The following TBC1D5 variants were observed in gnomAD, a reference collection of about 807,000 sequenced individuals.
TBC1D5 encodes TBC1 domain family member 5.
TBC1D5 carries 75 observed loss-of-function variants against 100.3 expected under a neutral mutation model. The ratio of observed to expected loss-of-function variants is 0.75; its 90% CI spans 0.62 to 0.91. TBC1D5 has a LOEUF of 0.91. Ranked by LOEUF, TBC1D5 falls within the 40% of genes least tolerant of loss-of-function variation. TBC1D5 has a pLI of 0.00. For synonymous variants in TBC1D5, 323 were observed against 325.6 expected (o/e 0.99, Z 0.09); for missense variants, 910 against 942.4 (o/e 0.97, Z 0.45).
intron 1 of TBC1D5, among the ~76,000 whole-genome samples, chr3:17,640,746 GC>G (rs1048898865): frequency 6.6e-6 from 1 of 151,838 alleles, no homozygotes; most frequent in Admixed American, 6.6e-5. Context: ...AAAATGCAAT[GC>G]CCTTTTGTCA....
intron 2 of TBC1D5, among the ~76,000 whole-genome samples, chr3:17,618,926 C>A (rs2062418160): frequency 6.6e-6 from 1 of 152,192 alleles, no homozygotes; most frequent in Non-Finnish European, 1.5e-5. Flanking sequence ...CAACCAGTCC[C>A]AGTGAGATGA....
intron 2 of TBC1D5, among the ~76,000 whole-genome samples, chr3:17,546,542 T>C (rs1016207226): frequency 6.6e-6 from 1 of 151,780 alleles, no homozygotes; most frequent in African/African-American, 2.4e-5. Context: ...GGCGGGTGGA[T>C]TGCCTGAGCT....
At chr3:17,296,232 CCTT>C (rs1387966011) in intron 14 of TBC1D5, among the ~76,000 whole-genome samples, 3 of 152,046 alleles carry the variant, frequency 2.0e-5, no homozygotes, top group Non-Finnish European at 4.4e-5. Flanking sequence ...AAAAAGAAAA[CCTT>C]CTTTCTTTTA....
At chr3:17,464,206 C>T (rs1006257388) in intron 3 of TBC1D5, among the ~76,000 whole-genome samples, 1 of 151,826 alleles carries the variant, frequency 6.6e-6, no homozygotes, top group African/African-American at 2.4e-5. Flanking sequence ...GTGATCTTCC[C>T]GTCTCGGCCT....
chr3:17,638,258 T>C (rs775109255), intron 1 of TBC1D5, among the ~76,000 whole-genome samples: 1 of 152,116 alleles, frequency 6.6e-6, no homozygotes, highest in Non-Finnish European at 1.5e-5. Context: ...ACAGTCAATT[T>C]TAGAACATTT....
chr3:17,285,248 C>CTTTTTTT (rs373843978), intron 15 of TBC1D5, among the ~76,000 whole-genome samples: 6 of 104,684 alleles, frequency 5.7e-5, no homozygotes, highest in Non-Finnish European at 9.3e-5. Context: ...ATTTTAGATT[C>CTTTTTTT]TTTTTTTTTT....
chr3:17,235,297 T>C (rs868512748), intron 17 of TBC1D5, among the ~76,000 whole-genome samples: 2 of 152,238 alleles, frequency 1.3e-5, no homozygotes, highest in East Asian at 1.9e-4. Flanking sequence ...CACAAGTAAT[T>C]GAAAGTTAAC....
chr3:17,737,466 A>C (rs1268074018), intron 1 of TBC1D5, among the ~76,000 whole-genome samples: 1 of 152,222 alleles, frequency 6.6e-6, no homozygotes, highest in African/African-American at 2.4e-5. Flanking sequence ...AATTCTCAAC[A>C]GTGCAGATAA....
At chr3:17,245,370 C>T (rs1419171579) in intron 16 of TBC1D5, among the ~76,000 whole-genome samples, 1 of 152,200 alleles carries the variant, frequency 6.6e-6, no homozygotes, top group African/African-American at 2.4e-5. Flanking sequence ...ACTCACTGCT[C>T]ATCTCAAGGA....
intron 18 of TBC1D5, among the ~76,000 whole-genome samples, chr3:17,193,809 T>C (rs894668865): frequency 6.6e-6 from 1 of 152,148 alleles, no homozygotes; most frequent in East Asian, 1.9e-4. Context: ...AGGATTAAAA[T>C]AGCTAATACA....
chr3:17,362,992 TGTTA>T (rs2091848481), intron 13 of TBC1D5, among the ~76,000 whole-genome samples: 1 of 152,058 alleles, frequency 6.6e-6, no homozygotes, highest in Non-Finnish European at 1.5e-5. Context: ...TCCCTTTTCT[TGTTA>T]GTCTTGCTAG....
At chr3:17,284,418 T>C (rs1205221046) in intron 15 of TBC1D5, among the ~76,000 whole-genome samples, 1 of 152,142 alleles carries the variant, frequency 6.6e-6, no homozygotes, top group Admixed American at 6.5e-5. Flanking sequence ...CGCCTGGCCA[T>C]ATTATTACCC....
intron 2 of TBC1D5, among the ~76,000 whole-genome samples, chr3:17,609,075 T>TTTA (rs1380276204): frequency 1.3e-5 from 2 of 152,236 alleles, no homozygotes; most frequent in African/African-American, 4.8e-5. Context: ...GATTCCCATG[T>TTTA]TTATGCACAC....
chr3:17,245,783 CTATTTGAATTAT>C (rs1559481181), intron 16 of TBC1D5, among the ~76,000 whole-genome samples: 1 of 152,066 alleles, frequency 6.6e-6, no homozygotes, highest in East Asian at 1.9e-4. Context: ...TAGTTTTGAA[CTATTTGAATTAT>C]TATTTGAATT....
chr3:17,448,431 T>C (rs1375297290), intron 3 of TBC1D5, among the ~76,000 whole-genome samples: 2 of 152,220 alleles, frequency 1.3e-5, no homozygotes, highest in African/African-American at 2.4e-5. Context: ...AAGGTTCCAA[T>C]GTATTTTGCT....
chr3:17,666,612 C>G (rs751432898), intron 1 of TBC1D5, among the ~76,000 whole-genome samples: 9 of 152,074 alleles, frequency 5.9e-5, no homozygotes, highest in Non-Finnish European at 1.2e-4. Context: ...TAGTAAATCT[C>G]CATTACTTAT....
chr3:17,347,455 GAACT>G (rs934880464), intron 13 of TBC1D5, among the ~76,000 whole-genome samples: 2 of 151,878 alleles, frequency 1.3e-5, no homozygotes, highest in Non-Finnish European at 2.9e-5. Context: ...AGATAATTGA[GAACT>G]AACTATAGCA....
intron 13 of TBC1D5, among the ~76,000 whole-genome samples, chr3:17,341,977 G>A (rs2089036833): frequency 6.6e-6 from 1 of 152,048 alleles, no homozygotes; most frequent in Non-Finnish European, 1.5e-5. Flanking sequence ...CAACTCCACT[G>A]CTATTGACCT....
chr3:17,540,822 G>A (rs1361007620), intron 2 of TBC1D5, among the ~76,000 whole-genome samples: 4 of 143,738 alleles, frequency 2.8e-5, no homozygotes, highest in South Asian at 2.2e-4. Flanking sequence ...CAGGAGAATC[G>A]CTTGAACCCA....
Sources: allele counts gnomAD v4.1 joint callset (sites outside exome capture counted in the v4.1 genomes callset), GRCh38; gene constraint gnomAD v4.1.1; transcripts MANE v1.5; gene names NCBI Gene and HGNC (gene_info 2026-07-23, HGNC 2026-07-21).